ANKRD11: variants seen among roughly 807,000 people sequenced by gnomAD.
ANKRD11 encodes ankyrin repeat domain 11, also known as ankyrin repeat domain-containing protein 11.
In ANKRD11, 17 loss-of-function variants were observed where a neutral mutation model predicts 195.7. The ratio of observed to expected loss-of-function variants is 0.09; its 90% CI spans 0.06 to 0.13. The LOEUF is 0.13. ANKRD11 is among the 10% of genes least tolerant of loss of function. ANKRD11 has a pLI of 1.00. For missense variants in ANKRD11, 3,735 were observed against 3,566.1 expected (o/e 1.05, Z -1.21); for synonymous variants, 1,953 against 1,528.1 (o/e 1.28, Z -6.49).
intron 4 of ANKRD11, among the ~76,000 whole-genome samples, chr16:89,294,571 T>A (rs2035288834): frequency 6.6e-6 from 1 of 152,138 alleles, no homozygotes; most frequent in Non-Finnish European, 1.5e-5. Context: ...CTCCAGTGGC[T>A]TCTGGGGTAG....
At chr16:89,348,795 C>G (rs55905220) in intron 2 of ANKRD11, among the ~76,000 whole-genome samples, 1 of 151,628 alleles carries the variant, frequency 6.6e-6, no homozygotes, top group Non-Finnish European at 1.5e-5. Context: ...TGTCCCTTTT[C>G]TCATGTCCAT....
At chr16:89,382,909 C>T (rs1271548016) in intron 2 of ANKRD11, among the ~76,000 whole-genome samples, 3 of 152,320 alleles carry the variant, frequency 2.0e-5, no homozygotes, top group East Asian at 1.9e-4. Context: ...AGCATGATCT[C>T]GGCTCACTGC....
rs1234292027 is a variant in ANKRD11 at position 89,280,584 on chromosome 16, T to G, written c.5958A>C (p.Arg1986Ser). 1 of 1,613,330 alleles carries G rather than the reference T, an allele frequency of 6.2e-7. No homozygotes were observed. Among genetic ancestry groups the G allele is most frequent in the Non-Finnish European group, 8.5e-7 (1 of 1,179,916 alleles). ...GSDLLLKSPQ[R>S]FPESPKRFCP... ...AGAAACGCTTTGGGGACTCGGGGAATCTCTGTGGAGACTTCAGCAGGAGGT... is the reference window on the plus strand; with the variant it reads ...AGAAACGCTTTGGGGACTCGGGGAAGCTCTGTGGAGACTTCAGCAGGAGGT... Residue 1986 changes from arginine (R) to serine (S), a missense_variant, in exon 9 of 13, where the codon AGA (arginine) becomes AGC (serine). Arg to Ser is a moderately radical substitution (Grantham distance 110). Coordinates refer to ENST00000301030, the MANE Select transcript of ANKRD11 (RefSeq NM_013275.6).
chr16:89,428,511 C>A, intron 1 of ANKRD11, among the ~76,000 whole-genome samples: 1 of 150,820 alleles, frequency 6.6e-6, no homozygotes, highest in Non-Finnish European at 1.5e-5. Flanking sequence ...GGTGACAGAG[C>A]GAGACTACAT....
At chr16:89,437,214 G>C (rs1258780450) in intron 1 of ANKRD11, among the ~76,000 whole-genome samples, 1 of 152,200 alleles carries the variant, frequency 6.6e-6, no homozygotes. Flanking sequence ...GTCCACTTAT[G>C]AAGAGGGCCA....
chr16:89,462,980 G>A (rs1408539886), intron 1 of ANKRD11, among the ~76,000 whole-genome samples: 2 of 150,264 alleles, frequency 1.3e-5, no homozygotes, highest in Non-Finnish European at 3.0e-5. Flanking sequence ...CAGGCCAGCC[G>A]CCCCGTCCGG....
At position 89,418,319 on chromosome 16, in the gene ANKRD11, T is replaced by G. The variant is rs1172247651; in HGVS notation, c.-95A>C. On this transcript the variant is annotated 5_prime_UTR_variant, in exon 2 of 13. Coordinates refer to ENST00000301030, the MANE Select transcript of ANKRD11 (RefSeq NM_013275.6). ...GCTGAAAGTCAGTGCTGACGAGGAC[T>G]GTCTTTTAAATCCAATGGAGGTGTG... The G allele has an allele frequency of 2.2e-6, 1 of 453,932 alleles. No individual in the cohort carries two copies. Among genetic ancestry groups the G allele is most frequent in the Non-Finnish European group, 4.4e-6 (1 of 226,726 alleles). 28.1% of individuals were successfully genotyped at this position (453,932 alleles called of 1,614,324 possible). A position where few individuals can be genotyped will look rare whatever the true frequency, so the allele number is the denominator to read the frequency against.
chr16:89,390,682 C>T (rs1026453902), intron 2 of ANKRD11, among the ~76,000 whole-genome samples: 1 of 151,960 alleles, frequency 6.6e-6, no homozygotes, highest in African/African-American at 2.4e-5. Flanking sequence ...GACAGGTTCT[C>T]GGGGAAACAG....
intron 1 of ANKRD11, among the ~76,000 whole-genome samples, chr16:89,485,265 C>A (rs1289963324): frequency 6.6e-6 from 1 of 151,716 alleles, no homozygotes; most frequent in Non-Finnish European, 1.5e-5. Context: ...GGCTGGATCA[C>A]CTGAGGTCAG....
intron 2 of ANKRD11, among the ~76,000 whole-genome samples, chr16:89,385,171 C>T (rs1190677568): frequency 1.3e-5 from 2 of 151,090 alleles, no homozygotes; most frequent in Non-Finnish European, 2.9e-5. Context: ...CCACTGTACC[C>T]GGCCTTGAGA....
At chr16:89,361,979 G>C (rs1295574932) in intron 2 of ANKRD11, among the ~76,000 whole-genome samples, 1 of 152,206 alleles carries the variant, frequency 6.6e-6, no homozygotes, top group Non-Finnish European at 1.5e-5. Flanking sequence ...CCAGGGGCTT[G>C]TGAGAGTGGC....
intron 1 of ANKRD11, among the ~76,000 whole-genome samples, chr16:89,436,391 G>C (rs149420206): frequency 6.7e-6 from 1 of 150,160 alleles, no homozygotes; most frequent in Non-Finnish European, 1.5e-5. Context: ...CTCCAGCCTG[G>C]GCAACAGAGT....
chr16:89,275,282 C>T (rs1028759424), intron 9 of ANKRD11, 91 bp from the exon 10 acceptor site: 2 of 1,093,964 alleles, frequency 1.8e-6, no homozygotes, highest in African/African-American at 3.1e-5. Flanking sequence ...CCCGACTCAG[C>T]CTCCCCACTC....
chr16:89,388,080 G>T (rs1405782120), intron 2 of ANKRD11, among the ~76,000 whole-genome samples: 1 of 151,184 alleles, frequency 6.6e-6, no homozygotes. Context: ...TTACAAAAAA[G>T]TTGCAAAAAT....
intron 3 of ANKRD11, among the ~76,000 whole-genome samples, chr16:89,312,890 C>T (rs1041910998): frequency 3.9e-5 from 6 of 152,160 alleles, no homozygotes; most frequent in Non-Finnish European, 5.9e-5. Flanking sequence ...GACGTAGCTC[C>T]CAGCTCCCCA....
intron 1 of ANKRD11, among the ~76,000 whole-genome samples, chr16:89,447,225 GC>G (rs987962638): frequency 1.3e-5 from 2 of 152,042 alleles, no homozygotes; most frequent in Admixed American, 1.3e-4. Flanking sequence ...CACTATTGCT[GC>G]CCTGTCTCCT....
intron 1 of ANKRD11, among the ~76,000 whole-genome samples, chr16:89,478,791 G>A (rs540026076): frequency 1.3e-5 from 2 of 152,146 alleles, no homozygotes; most frequent in South Asian, 4.1e-4. Context: ...TTATTCCCAT[G>A]ACTAACATCA....
At chr16:89,346,490 G>A (rs1405501816) in intron 2 of ANKRD11, among the ~76,000 whole-genome samples, 1 of 152,136 alleles carries the variant, frequency 6.6e-6, no homozygotes, top group East Asian at 1.9e-4. Flanking sequence ...GGGAACAACA[G>A]TCATCCAAAC....
intron 2 of ANKRD11, among the ~76,000 whole-genome samples, chr16:89,346,656 C>G (rs908986457): frequency 1.3e-5 from 2 of 151,956 alleles, no homozygotes; most frequent in Non-Finnish European, 2.9e-5. Flanking sequence ...AGGAGGGAAA[C>G]CAGAGTAGGA....
Sources: allele counts gnomAD v4.1 joint callset (sites outside exome capture counted in the v4.1 genomes callset), GRCh38; gene constraint gnomAD v4.1.1; transcripts MANE v1.5; gene names NCBI Gene and HGNC (gene_info 2026-07-23, HGNC 2026-07-21).